Variants in LMNTD1 observed in about 807,000 individuals in gnomAD.
The protein encoded by LMNTD1 is lamin tail domain containing 1, also known as lamin tail domain-containing protein 1.
A neutral mutation model predicts 50.9 loss-of-function variants in LMNTD1; 35 were observed. The observed-to-expected ratio is 0.69, with a 90% CI of 0.53 to 0.91. The LOEUF (loss-of-function observed/expected upper bound fraction) is 0.91, where lower values mean the gene tolerates loss of function less well. Ranked by LOEUF, LMNTD1 falls within the 40% of genes least tolerant of loss-of-function variation. The probability of loss-of-function intolerance (pLI) is 0.00; values close to 1 mark genes in which losing one functional copy is unlikely to be tolerated. For missense variants in LMNTD1, 470 were observed against 475.5 expected, an observed-to-expected ratio of 0.99 and a Z score of 0.11; for synonymous variants, 153 against 161.9, an observed-to-expected ratio of 0.94 and a Z score of 0.42.
chr12:25,570,927 G>T (rs1162392150), intron 1 of LMNTD1, among the ~76,000 whole-genome samples: 1 of 152,140 alleles, frequency 6.6e-6, no homozygotes, highest in African/African-American at 2.4e-5. Flanking sequence ...GCTGTTATTA[G>T]TAATAGATAG....
intron 1 of LMNTD1, among the ~76,000 whole-genome samples, chr12:25,583,950 AT>A (rs1329409787): frequency 1.3e-5 from 2 of 152,196 alleles, no homozygotes; most frequent in Non-Finnish European, 2.9e-5. Flanking sequence ...AATTAAGAGA[AT>A]AAGAAGCAGA....
At chr12:25,522,544 C>A (rs1221078968) in intron 6 of LMNTD1, among the ~76,000 whole-genome samples, 2 of 152,100 alleles carry the variant, frequency 1.3e-5, no homozygotes, top group Non-Finnish European at 2.9e-5. Context: ...TTAAGCAAGC[C>A]ATTTAACTTT....
At chr12:25,623,831 A>ACCTGCCT (rs1233592273) in intron 1 of LMNTD1, among the ~76,000 whole-genome samples, 1 of 151,902 alleles carries the variant, frequency 6.6e-6, no homozygotes, top group East Asian at 1.9e-4. Flanking sequence ...CTCTTATATC[A>ACCTGCCT]CCTGCCTCCT....
intron 9 of LMNTD1, among the ~76,000 whole-genome samples, chr12:25,492,356 T>C (rs1565938896): frequency 6.6e-6 from 1 of 152,230 alleles, no homozygotes; most frequent in Non-Finnish European, 1.5e-5. Context: ...CATATTTTCA[T>C]AGCGGAGATG....
chr12:25,622,466 CG>C (rs146049830), intron 1 of LMNTD1, among the ~76,000 whole-genome samples: 10,824 of 120,564 alleles, frequency 0.09, 942 homozygotes, highest in Non-Finnish European at 0.11. Flanking sequence ...TTTGTGAGCC[CG>C]CCCCCCCCCG....
intron 1 of LMNTD1, among the ~76,000 whole-genome samples, chr12:25,622,295 C>G (rs1381030629): frequency 1.3e-5 from 2 of 152,090 alleles, no homozygotes; most frequent in Non-Finnish European, 2.9e-5. Context: ...AATCCAAACA[C>G]CCTCAGGGTA....
At chr12:25,509,758 A>G (rs1347592088) in intron 8 of LMNTD1, among the ~76,000 whole-genome samples, 2 of 152,214 alleles carry the variant, frequency 1.3e-5, no homozygotes, top group Non-Finnish European at 2.9e-5. Flanking sequence ...TTGGACACAG[A>G]CACACAGGAA....
At chr12:25,597,121 T>G (rs1381839984) in intron 1 of LMNTD1, among the ~76,000 whole-genome samples, 1 of 151,736 alleles carries the variant, frequency 6.6e-6, no homozygotes, top group Non-Finnish European at 1.5e-5. Flanking sequence ...TAATCTTCAC[T>G]AAAAGGAAGA....
intron 1 of LMNTD1, among the ~76,000 whole-genome samples, chr12:25,566,005 C>G (rs1244921711): frequency 6.6e-6 from 1 of 152,128 alleles, no homozygotes; most frequent in African/African-American, 2.4e-5. Flanking sequence ...TTTTCTCTTA[C>G]TGCTTTTAGA....
intron 1 of LMNTD1, among the ~76,000 whole-genome samples, chr12:25,621,018 ACAT>A (rs1946463723): frequency 6.6e-6 from 1 of 152,194 alleles, no homozygotes; most frequent in Non-Finnish European, 1.5e-5. Flanking sequence ...AGGTGAACTG[ACAT>A]CAGACACTGG....
intron 1 of LMNTD1, among the ~76,000 whole-genome samples, chr12:25,568,873 AG>A: frequency 6.6e-6 from 1 of 152,344 alleles, no homozygotes; most frequent in East Asian, 1.9e-4. Context: ...AAAGCCTCCT[AG>A]GCTTCTGCCT....
rs374816922 is a variant in LMNTD1 at position 25,558,950 on chromosome 12, CTT to C, written c.59-12398_59-12397del. ...TATTTGTATAATTTCCAAAATTTCT[CTT>C]GTCATTGACTTACAGTTTTTTTTTT... On this transcript the variant is annotated intron_variant, in intron 1 of 7. Coordinates refer to the LMNTD1 transcript ENST00000445693. Among the ~76,000 whole-genome samples, 115 of 149,898 alleles carry C rather than the reference CTT, an allele frequency of 7.7e-4. 1 individual carries two copies. In the East Asian group the frequency reaches 0.017, roughly 22 times the overall value.
At chr12:25,599,187 A>G (rs1945909502) in intron 1 of LMNTD1, among the ~76,000 whole-genome samples, 1 of 152,072 alleles carries the variant, frequency 6.6e-6, no homozygotes, top group African/African-American at 2.4e-5. Flanking sequence ...GTGATACATC[A>G]TATCAACAGA....
chr12:25,549,630 A>AG, intron 2 of LMNTD1, 84 bp from the exon 3 acceptor site: 1 of 685,588 alleles, frequency 1.5e-6, no homozygotes, highest in Non-Finnish European at 2.2e-6. Flanking sequence ...TATTATTATT[A>AG]CCCAGAATTC....
At chr12:25,631,863 G>A (rs544350243) in intron 1 of LMNTD1, among the ~76,000 whole-genome samples, 1 of 152,264 alleles carries the variant, frequency 6.6e-6, no homozygotes, top group African/African-American at 2.4e-5. Flanking sequence ...GGAGGGACCA[G>A]AGAAAGGTGA....
At chr12:25,575,390 G>C (rs1944962000) in intron 1 of LMNTD1, among the ~76,000 whole-genome samples, 1 of 152,148 alleles carries the variant, frequency 6.6e-6, no homozygotes, top group Admixed American at 6.5e-5. Context: ...GACTGGTAGT[G>C]TCCCTAGTTA....
At chr12:25,646,214 C>A (rs1312237681) in intron 1 of LMNTD1, among the ~76,000 whole-genome samples, 3 of 151,952 alleles carry the variant, frequency 2.0e-5, no homozygotes, top group African/African-American at 7.3e-5. Context: ...CCTTGCCCAC[C>A]AAGAACAGGC....
At chr12:25,570,261 G>T (rs112812722) in intron 1 of LMNTD1, among the ~76,000 whole-genome samples, 1 of 152,136 alleles carries the variant, frequency 6.6e-6, no homozygotes, top group Admixed American at 6.6e-5. Context: ...TAAATATAGT[G>T]CATGACAGAA....
At chr12:25,512,868 G>GT (rs140804087) in intron 8 of LMNTD1, among the ~76,000 whole-genome samples, 1 of 151,584 alleles carries the variant, frequency 6.6e-6, no homozygotes, top group African/African-American at 2.4e-5. Flanking sequence ...TTTTTATGGG[G>GT]GGGGGCTTTA....
Sources: gnomAD v4.1 joint callset for allele counts (sites outside exome capture counted in the v4.1 genomes callset) on GRCh38, gnomAD v4.1.1 for gene constraint, MANE v1.5 for transcripts, NCBI Gene and HGNC (gene_info 2026-07-23, HGNC 2026-07-21) for gene names.